The following DBI variants were observed in gnomAD, a reference collection of about 807,000 sequenced individuals.
DBI encodes the protein acyl-CoA-binding protein.
In DBI, 12 loss-of-function variants were observed where a neutral mutation model predicts 13.0. The observed-to-expected ratio is 0.92, with a 90% CI of 0.59 to 1.49. The LOEUF (loss-of-function observed/expected upper bound fraction) is 1.49, where lower values mean the gene tolerates loss of function less well. DBI is among the 40% of genes most tolerant of loss of function. The probability of loss-of-function intolerance (pLI) is 0.00; values close to 1 mark genes in which losing one functional copy is unlikely to be tolerated. For missense variants in DBI, 95 were observed against 104.8 expected, an observed-to-expected ratio of 0.91 and a Z score of 0.41; for synonymous variants, 37 against 37.4, an observed-to-expected ratio of 0.99 and a Z score of 0.04.
intron 3 of DBI, 51 bp downstream of exon 3, chr2:119,370,853 GTC>G: frequency 1.3e-6 from 2 of 1,517,998 alleles, no homozygotes. Flanking sequence ...TAGTGAAAGA[GTC>G]TTCATTATGA....
intron 1 of DBI, chr2:119,367,871 G>A (rs377493684): frequency 4.7e-5 from 76 of 1,614,008 alleles, no homozygotes; most frequent in Non-Finnish European, 6.2e-5. Context: ...GACCCCCACT[G>A]GGGGCGAAGG....
Position 119,372,285 on chromosome 2 carries a change from A to T in DBI, c.231A>T (p.Lys77Asn). 6.2e-7 allele frequency: 1 copy of T among 1,613,770 alleles called. No homozygotes were observed. The highest frequency in any genetic ancestry group is 2.2e-5 in the East Asian group (1 of 44,880). The change falls in exon 4 of 4, where the codon AAA becomes AAT. Residue 77 changes from lysine to asparagine, a missense_variant. By Grantham distance (94) the Lys-to-Asn change is moderately conservative (BLOSUM62 0). Coordinates refer to ENST00000355857, the MANE Select transcript of DBI (RefSeq NM_001079862.4). Reference protein sequence around the residue: ...KEDAMKAYINKVEELKKKYGI With the variant: ...KEDAMKAYINNVEELKKKYGI Reference sequence around the variant, plus strand: ...ATGCCATGAAAGCTTACATCAACAAAGTAGAAGAGCTAAAGAAAAAATACG... The same window carrying T: ...ATGCCATGAAAGCTTACATCAACAATGTAGAAGAGCTAAAGAAAAAATACG...
intron 2 of DBI, chr2:119,368,780 CT>C: frequency 6.2e-6 from 1 of 162,064 alleles, no homozygotes; most frequent in South Asian, 1.7e-4. Flanking sequence ...CTGATGATAA[CT>C]TTTTCCCTGC....
chr2:119,366,982 A>G lies in DBI; in HGVS notation c.-70A>G. The G allele has an allele frequency of 6.2e-7, 1 of 1,605,394 alleles. No homozygotes were observed. The highest frequency in any genetic ancestry group is 8.5e-7 in the Non-Finnish European group (1 of 1,173,118). ...CGCCTCTAAAGGCGCTTGCCAGTGC[A>G]ATCTGGGCGATCGCTTCCTGGTCCT... On this transcript the variant is annotated 5_prime_UTR_variant, in exon 1 of 4. Transcript: ENST00000355857.
intron 1 of DBI, chr2:119,367,716 T>C (rs1424414499): frequency 4.3e-6 from 7 of 1,610,352 alleles, no homozygotes; most frequent in Admixed American, 1.7e-5. Flanking sequence ...ACCGCGGCAC[T>C]CATGCCCTGT....
rs201004978 is a variant in DBI at position 119,372,309 on chromosome 2, C to T, written c.255C>T (p.Tyr85=). The T allele has an allele frequency of 1.2e-5, 19 of 1,611,146 alleles. No homozygotes were observed. The highest frequency in any genetic ancestry group is 4.5e-5 in the East Asian group (2 of 44,866). The change falls in exon 4 of 4, where the codon TAC becomes TAT. Residue 85 remains tyrosine, a synonymous_variant. Coordinates refer to ENST00000355857, the MANE Select transcript of DBI (RefSeq NM_001079862.4). ...AAGTAGAAGAGCTAAAGAAAAAATA[C>T]GGGATATGAGAGACTGGATTTGGTT... ...INKVEELKKK[Y]GI is the part of the protein sequence containing the mutation.
intron 3 of DBI, among the ~76,000 whole-genome samples, chr2:119,371,398 C>T (rs1681506192): frequency 6.6e-6 from 1 of 152,190 alleles, no homozygotes; most frequent in Non-Finnish European, 1.5e-5. Flanking sequence ...TTCCTGCTGG[C>T]TAGTTTCTGA....
chr2:119,367,960 T>A, intron 1 of DBI: 1 of 1,614,164 alleles, frequency 6.2e-7, no homozygotes, highest in Non-Finnish European at 8.5e-7. Flanking sequence ...TGGTTTTCGA[T>A]TGAATGAGTG....
chr2:119,368,033 A>G (rs1681193993), intron 1 of DBI, 155 bp from the exon 2 acceptor site: 4 of 1,568,456 alleles, frequency 2.6e-6, no homozygotes, highest in Non-Finnish European at 2.6e-6. Flanking sequence ...TGGGGCAGGG[A>G]GGGGCAGACA....
In DBI at chr2:119,369,368, T is replaced by G. The variant is rs186525354; in HGVS notation, c.127+1063T>G. Among the ~76,000 whole-genome samples the G allele has an allele frequency of 2.5e-3, 377 of 152,340 alleles. 1 individual carries two copies. The highest frequency in any genetic ancestry group is 3.4e-3 in the Middle Eastern group (1 of 294). Reference sequence around the variant, plus strand: ...ACTGGCATAGGAATCTATCACTTACTGATCAAAGAGGTGTCATCGGCTCTC... The same window carrying G: ...ACTGGCATAGGAATCTATCACTTACGGATCAAAGAGGTGTCATCGGCTCTC... On this transcript the variant is annotated intron_variant, in intron 2 of 3. Coordinates refer to ENST00000355857, the MANE Select transcript of DBI (RefSeq NM_001079862.4).
At chr2:119,368,342 C>A in intron 2 of DBI, 37 bp downstream of exon 2, 1 of 1,503,412 alleles carries the variant, frequency 6.7e-7, no homozygotes, top group Non-Finnish European at 9.3e-7. Context: ...ATCTGCTCAT[C>A]AAAGCAGGCT....
chr2:119,368,502 G>T, intron 2 of DBI, 197 bp downstream of exon 2: 1 of 562,440 alleles, frequency 1.8e-6, no homozygotes, highest in South Asian at 2.1e-5. Flanking sequence ...TTCAAATCCT[G>T]GTTTTAGAAG....
intron 3 of DBI, among the ~76,000 whole-genome samples, chr2:119,371,077 A>G (rs960310685): frequency 6.6e-6 from 1 of 152,210 alleles, no homozygotes; most frequent in Non-Finnish European, 1.5e-5. Context: ...GAAATGATGT[A>G]GTTGGCGTAG....
chr2:119,367,297 C>A, intron 1 of DBI: 2 of 1,436,602 alleles, frequency 1.4e-6, no homozygotes, highest in Non-Finnish European at 1.8e-6. Flanking sequence ...GGGTGGACTT[C>A]GCTGTGTAGC....
intron 1 of DBI, chr2:119,367,686 C>T: frequency 6.2e-7 from 1 of 1,612,420 alleles, no homozygotes; most frequent in Non-Finnish European, 8.5e-7. Context: ...GGGAGGGGAC[C>T]AACGGGCTCC....
intron 2 of DBI, chr2:119,370,474 G>T: frequency 6.9e-6 from 2 of 291,158 alleles, no homozygotes; most frequent in East Asian, 5.8e-5. Flanking sequence ...TTTTTTAAAA[G>T]AGAAATTTTG....
In DBI at chr2:119,370,813, T is replaced by G. The variant is rs778786745; in HGVS notation, c.190+11T>G. On this transcript the variant is annotated intron_variant, in intron 3 of 3. Transcript: ENST00000355857. ...GGAATGAGCTGAAAGGTAATTGTTCTAATCAATTTCTCTCATTTGTGAAAC... is the reference window on the plus strand; with the variant it reads ...GGAATGAGCTGAAAGGTAATTGTTCGAATCAATTTCTCTCATTTGTGAAAC... 2 of 1,611,478 alleles carry G rather than the reference T, an allele frequency of 1.2e-6. No individual in the cohort carries two copies. Among genetic ancestry groups the G allele is most frequent in the Non-Finnish European group, 1.7e-6 (2 of 1,177,964 alleles).
At chr2:119,367,153 C>T in intron 1 of DBI, 93 bp downstream of exon 1, 6 of 1,572,724 alleles carry the variant, frequency 3.8e-6, no homozygotes, top group Non-Finnish European at 5.2e-6. Context: ...GGGCTCTTTC[C>T]TTCCGTGCCC....
In DBI at chr2:119,372,375, T is replaced by C. The variant is rs1051232530; in HGVS notation, c.*57T>C. 7 of 1,348,740 alleles carry C rather than the reference T, an allele frequency of 5.2e-6. No homozygotes were observed. The African/African-American group carries it at 7.2e-5, about 14-fold the overall frequency. The allele number at this position is 1,348,740 out of a possible 1,614,324, so 83.5% of individuals were successfully genotyped here. On this transcript the variant is annotated 3_prime_UTR_variant, in exon 4 of 4. Coordinates refer to ENST00000355857, the MANE Select transcript of DBI (RefSeq NM_001079862.4). ...TATCCTAAACTGAGACAATGCCTTG[T>C]TTTTTTCTAATACCGTGGATGGTGG...
Sources: gnomAD v4.1 joint callset for allele counts (sites outside exome capture counted in the v4.1 genomes callset) on GRCh38, gnomAD v4.1.1 for gene constraint, MANE v1.5 for transcripts, NCBI Gene and HGNC (gene_info 2026-07-23, HGNC 2026-07-21) for gene names.